DENND6A: variants seen among roughly 807,000 people sequenced by gnomAD.
The protein encoded by DENND6A is protein DENND6A.
DENND6A carries 43 observed loss-of-function variants against 95.5 expected under a neutral mutation model. The ratio of observed to expected loss-of-function variants is 0.45; its 90% CI spans 0.35 to 0.58. The LOEUF (loss-of-function observed/expected upper bound fraction) is 0.58. Among genes scored for constraint, DENND6A ranks in the 20% least tolerant of loss-of-function variants. The pLI is 0.00. For synonymous variants in DENND6A, 257 were observed against 260.4 expected (o/e 0.99, Z 0.13); for missense variants, 574 against 736.0 (o/e 0.78, Z 2.55).
At chr3:57,680,170 A>G (rs2077150362) in intron 1 of DENND6A, among the ~76,000 whole-genome samples, 1 of 152,238 alleles carries the variant, frequency 6.6e-6, no homozygotes, top group Non-Finnish European at 1.5e-5. Context: ...GCCTAAATGT[A>G]AGAGCTAAAT....
chr3:57,662,317 A>G (rs1356469103), intron 5 of DENND6A, among the ~76,000 whole-genome samples: 2 of 149,152 alleles, frequency 1.3e-5, no homozygotes, highest in African/African-American at 2.5e-5. Flanking sequence ...CAGCCTCCTG[A>G]GTAGCTGGGA....
rs1348141905 is a variant in DENND6A, at chr3:57,656,757, G to C, written c.818+923C>G. 3.3e-5 allele frequency among the ~76,000 whole-genome samples: 5 copies of C among 152,114 alleles called. No individual in the cohort carries two copies. The South Asian group carries it at 6.2e-4, about 19-fold the overall frequency. On this transcript the variant is annotated intron_variant, in intron 9 of 19. Transcript: ENST00000311128. ...GGATCACTTGAGGTCAGGAGTTCGA[G>C]ACCAGCCTGGACAACATGGTGAAAC... is the stretch of plus-strand genomic sequence containing the variant.
chr3:57,660,697 G>C (rs2071406517), intron 7 of DENND6A, 63 bp downstream of exon 7: 1 of 1,439,970 alleles, frequency 6.9e-7, no homozygotes, highest in Non-Finnish European at 9.4e-7. Context: ...GACAGCACAA[G>C]ACCCTGTCTC....
At chr3:57,657,805 T>C in intron 8 of DENND6A, 70 bp from the exon 9 acceptor site, 3 of 958,624 alleles carry the variant, frequency 3.1e-6, no homozygotes, top group Non-Finnish European at 3.2e-6. Flanking sequence ...AATATATCTA[T>C]CTCATGATCA....
At position 57,661,554 on chromosome 3, in the gene DENND6A, G is replaced by C; in HGVS notation, c.514-3C>G. 1 of 1,569,050 alleles carries C rather than the reference G, an allele frequency of 6.4e-7. No homozygotes were observed. ...AGTTTGCTGATCAAAACCAAGGACT[G>C]AGGAAAAAACAAAAACAATGTTTTA... On this transcript the variant is annotated splice_region_variant and splice_polypyrimidine_tract_variant and intron_variant, in intron 5 of 19. Transcript: ENST00000311128.
intron 8 of DENND6A, 85 bp downstream of exon 8, chr3:57,659,033 C>T: frequency 7.8e-7 from 1 of 1,275,008 alleles, no homozygotes; most frequent in South Asian, 1.3e-5. Context: ...GTAATAAACT[C>T]AAGAAACTCT....
chr3:57,664,275 A>C (rs2153415848), intron 4 of DENND6A, among the ~76,000 whole-genome samples: 1 of 152,352 alleles, frequency 6.6e-6, no homozygotes, highest in East Asian at 1.9e-4. Context: ...AATCTTATAT[A>C]GTCAGTTACA....
chr3:57,650,070 T>C (rs1012545086), intron 9 of DENND6A, among the ~76,000 whole-genome samples: 2 of 151,982 alleles, frequency 1.3e-5, no homozygotes, highest in Non-Finnish European at 2.9e-5. Context: ...TTCTCACTCA[T>C]AAGTGGGAGC....
chr3:57,665,664 C>T (rs2071514650), intron 4 of DENND6A, among the ~76,000 whole-genome samples: 1 of 151,930 alleles, frequency 6.6e-6, no homozygotes, highest in South Asian at 2.1e-4. Flanking sequence ...GAAAACGTTC[C>T]TCATGTACTT....
rs1575811130 is a variant in DENND6A, at chr3:57,631,495, C to T, written c.1354-517G>A. Among the ~76,000 whole-genome samples, 5 of 151,670 alleles carry T rather than the reference C, an allele frequency of 3.3e-5. No individual in the cohort carries two copies. In the South Asian group the frequency reaches 1.0e-3, roughly 32 times the overall value. On this transcript the variant is annotated intron_variant, in intron 15 of 19. Coordinates refer to ENST00000311128, the MANE Select transcript of DENND6A (RefSeq NM_152678.3). ...AGGCGTGAACTACCGCGCCCAACAA[C>T]GCGGTCCATTTTTTAACGATAATAG...
At chr3:57,675,779 C>T (rs1259255264) in intron 1 of DENND6A, among the ~76,000 whole-genome samples, 2 of 152,214 alleles carry the variant, frequency 1.3e-5, no homozygotes, top group African/African-American at 2.4e-5. Flanking sequence ...AGGAGATGAA[C>T]ATAACATTTA....
Position 57,688,801 on chromosome 3 carries a change from G to A in DENND6A, c.237+3981C>T, listed in dbSNP as rs138796999. ...ACTGCCTGGAATCCTTACAATCACT[G>A]TCCCTTTACTTAAGTTTATTTGAGG... On this transcript the variant is annotated intron_variant, in intron 1 of 19. Transcript: ENST00000311128. Among the ~76,000 whole-genome samples, 396 of 152,016 alleles carry A rather than the reference G, an allele frequency of 2.6e-3. 2 individuals carry two copies. The highest frequency in any genetic ancestry group is 9.2e-3 in the African/African-American group (381 of 41,474).
chr3:57,690,309 T>C (rs1293718475), intron 1 of DENND6A, among the ~76,000 whole-genome samples: 1 of 152,020 alleles, frequency 6.6e-6, no homozygotes, highest in Non-Finnish European at 1.5e-5. Context: ...ATCGAGACCA[T>C]CCTGGCTAAC....
At chr3:57,640,929 T>C (rs1183219273) in intron 12 of DENND6A, among the ~76,000 whole-genome samples, 1 of 151,988 alleles carries the variant, frequency 6.6e-6, no homozygotes, top group Non-Finnish European at 1.5e-5. Context: ...ACTCCTACCA[T>C]GAACAAGGTA....
chr3:57,644,787 T>G (rs1463765538), intron 11 of DENND6A, among the ~76,000 whole-genome samples: 10 of 928 alleles, frequency 0.011, no homozygotes, highest in Non-Finnish European at 0.012. Flanking sequence ...AGGGGAGGGG[T>G]GGGGAGGGGA....
In DENND6A at chr3:57,692,835, G is replaced by A. The variant is rs745734173; in HGVS notation, c.184C>T (p.Leu62=). The A allele has an allele frequency of 1.7e-5, 27 of 1,583,292 alleles. No individual in the cohort carries two copies. The Middle Eastern group carries it at 6.7e-4, about 39-fold the overall frequency. ...LLRWDSFSAW[L]HCVCVVGFDL... ...AAGCCCACCACACACACGCAGTGCA[G>A]CCAGGCGGAGAAGCTGTCCCAGCGC... Residue 62 remains leucine (L), a synonymous_variant, in exon 1 of 20, where the codon CTG becomes TTG. Coordinates refer to ENST00000311128, the MANE Select transcript of DENND6A (RefSeq NM_152678.3).
intron 3 of DENND6A, among the ~76,000 whole-genome samples, chr3:57,670,331 G>A (rs2071595528): frequency 6.6e-6 from 1 of 152,288 alleles, no homozygotes; most frequent in Admixed American, 6.5e-5. Context: ...GGTTAAACTT[G>A]GGAGCTTAGA....
chr3:57,656,325 T>A (rs1016648081), intron 9 of DENND6A, among the ~76,000 whole-genome samples: 3 of 152,216 alleles, frequency 2.0e-5, no homozygotes, highest in African/African-American at 7.2e-5. Context: ...CTTTTGGAAG[T>A]CTTTCACATT....
At chr3:57,670,019 CAAAAAAAAAAA>C (rs780880587) in intron 3 of DENND6A, among the ~76,000 whole-genome samples, 2 of 57,778 alleles carry the variant, frequency 3.5e-5, no homozygotes, top group South Asian at 5.6e-4. Flanking sequence ...AACTCCATCT[CAAAAAAAAAAA>C]AAAAAAAGAA....
Sources: allele counts gnomAD v4.1 joint callset (sites outside exome capture counted in the v4.1 genomes callset), GRCh38; gene constraint gnomAD v4.1.1; transcripts MANE v1.5; gene names NCBI Gene and HGNC (gene_info 2026-07-23, HGNC 2026-07-21).